Variants in MPDZ observed in about 807,000 individuals in gnomAD.
The protein encoded by MPDZ is multiple PDZ domain protein.
A neutral mutation model predicts 239.1 loss-of-function variants in MPDZ; 234 were observed. The observed-to-expected ratio is 0.98, with a 90% CI of 0.88 to 1.09. The LOEUF (loss-of-function observed/expected upper bound fraction) is 1.09. Ranked by LOEUF, MPDZ falls within the 50% of genes least tolerant of loss-of-function variation. The pLI, the probability that MPDZ is intolerant of heterozygous loss-of-function variation, is 0.00. For synonymous variants in MPDZ, 1,048 were observed against 881.3 expected, an observed-to-expected ratio of 1.19 and a Z score of -3.35; for missense variants, 3,175 against 2,510.0, an observed-to-expected ratio of 1.26 and a Z score of -5.66.
At chr9:13,229,859 G>C (rs1372539310) in intron 3 of MPDZ, among the ~76,000 whole-genome samples, 2 of 152,070 alleles carry the variant, frequency 1.3e-5, no homozygotes, top group Non-Finnish European at 2.9e-5. Context: ...AAATAAAGTT[G>C]AAGTGTTTTA....
Position 13,114,665 on chromosome 9 carries a change from G to A in MPDZ, c.5466+583C>T, listed in dbSNP as rs894130446. The stretch of plus-strand genomic sequence containing the variant: ...GCCTGTAATCCCAACACTTTGGGAG[G>A]CTGAGGCGGGTGGATCACGAGGTCA... On this transcript the variant is annotated intron_variant, in intron 40 of 46. Transcript: ENST00000319217. Among the ~76,000 whole-genome samples, 4 of 152,138 alleles carry A rather than the reference G, an allele frequency of 2.6e-5. No homozygotes were observed. The South Asian group carries it at 8.3e-4, about 32-fold the overall frequency.
intron 22 of MPDZ, 122 bp from the exon 23 acceptor site, chr9:13,162,917 C>T: frequency 3.2e-6 from 2 of 626,768 alleles, no homozygotes; most frequent in Non-Finnish European, 5.6e-6. Context: ...TTTCATACAA[C>T]TCATTTAATC....
chr9:13,251,361 T>A (rs1174445928), intron 1 of MPDZ, among the ~76,000 whole-genome samples: 1 of 152,124 alleles, frequency 6.6e-6, no homozygotes, highest in Non-Finnish European at 1.5e-5. Flanking sequence ...TCCACACATC[T>A]CATCTTTCTC....
In MPDZ at chr9:13,217,201, A is replaced by G. The variant is rs749290739; in HGVS notation, c.1180T>C (p.Tyr394His). The G allele has an allele frequency of 2.5e-6, 4 of 1,593,610 alleles. No homozygotes were observed. Residue 394 changes from tyrosine (Y) to histidine (H), a missense_variant, in exon 9 of 47, where the codon TAC becomes CAC. Tyr to His is a moderately conservative substitution (Grantham distance 83). Transcript: ENST00000319217. ...TTACCCAATTTTTTATCTCCAATGTAGCCAGCAATGGTAATTCCTAATCCT... is the reference window on the plus strand; with the variant it reads ...TTACCCAATTTTTTATCTCCAATGTGGCCAGCAATGGTAATTCCTAATCCT... ...VQGLGITIAG[Y>H]IGDKKLEPSG... is the part of the protein sequence containing the mutation.
chr9:13,136,976 A>G (rs1946912450), intron 29 of MPDZ, among the ~76,000 whole-genome samples, 173 bp from the exon 30 acceptor site: 1 of 152,154 alleles, frequency 6.6e-6, no homozygotes, highest in Non-Finnish European at 1.5e-5. Flanking sequence ...GTGAATAAAG[A>G]ATAGCTCATG....
Position 13,150,697 on chromosome 9 carries a change from T to A in MPDZ, c.3453-9A>T. On this transcript the variant is annotated splice_polypyrimidine_tract_variant and intron_variant, in intron 24 of 46. Coordinates refer to ENST00000319217, the MANE Select transcript of MPDZ (RefSeq NM_001378778.1). ...CTCTCCAGAGTTCCACCCTAAAAAA[T>A]AAATAAAATTTTCAACTCTTAGGAA... 6.0e-6 allele frequency: 8 copies of A among 1,325,678 alleles called. No individual in the cohort carries two copies. Among genetic ancestry groups the A allele is most frequent in the Non-Finnish European group, 7.8e-6 (8 of 1,029,330 alleles). The allele number at this position is 1,325,678 out of a possible 1,614,324, so 82.1% of individuals were successfully genotyped here. A position where few individuals can be genotyped will look rare whatever the true frequency, so the allele number is the denominator to read the frequency against.
intron 3 of MPDZ, among the ~76,000 whole-genome samples, chr9:13,236,354 C>G (rs1324135019): frequency 1.4e-5 from 2 of 144,466 alleles, no homozygotes; most frequent in Admixed American, 1.4e-4. Context: ...CTCAGCTCAC[C>G]GCAACCTCTG....
chr9:13,166,769 T>C (rs1341833676), intron 22 of MPDZ, among the ~76,000 whole-genome samples: 2 of 151,848 alleles, frequency 1.3e-5, no homozygotes, highest in Non-Finnish European at 2.9e-5. Flanking sequence ...GCTGAATCAG[T>C]GGGAGAGGGG....
intron 24 of MPDZ, among the ~76,000 whole-genome samples, chr9:13,151,479 C>T (rs969158599): frequency 6.6e-6 from 1 of 151,784 alleles, no homozygotes; most frequent in African/African-American, 2.4e-5. Flanking sequence ...TGAAACATAC[C>T]ATAATATGAA....
intron 3 of MPDZ, among the ~76,000 whole-genome samples, chr9:13,247,089 C>G (rs1480325802): frequency 7.9e-5 from 12 of 152,070 alleles, no homozygotes; most frequent in African/African-American, 7.2e-5. Flanking sequence ...TGTTTATCAC[C>G]ATCTGAGCTG....
intron 3 of MPDZ, among the ~76,000 whole-genome samples, chr9:13,237,395 C>G (rs561948364): frequency 7.0e-6 from 1 of 143,478 alleles, no homozygotes; most frequent in Non-Finnish European, 1.5e-5. Flanking sequence ...CATGAGCATG[C>G]CACTGCACTC....
intron 17 of MPDZ, among the ~76,000 whole-genome samples, chr9:13,188,561 G>C (rs1280279720): frequency 1.3e-5 from 2 of 152,014 alleles, no homozygotes; most frequent in Non-Finnish European, 2.9e-5. Flanking sequence ...CCAAAGACCA[G>C]TAAGTTAGAA....
intron 12 of MPDZ, among the ~76,000 whole-genome samples, chr9:13,196,597 T>C (rs1385778272): frequency 1.3e-5 from 2 of 152,126 alleles, no homozygotes; most frequent in East Asian, 1.9e-4. Context: ...TGTTTTATTT[T>C]CATTTAGTTC....
At chr9:13,271,331 A>G (rs756495974) in intron 1 of MPDZ, among the ~76,000 whole-genome samples, 33 of 152,302 alleles carry the variant, frequency 2.2e-4, no homozygotes, top group Admixed American at 7.2e-4. Context: ...GGATCAGAAC[A>G]TGCCACTCCA....
chr9:13,121,295 A>C (rs1944306235), intron 38 of MPDZ, among the ~76,000 whole-genome samples: 1 of 152,002 alleles, frequency 6.6e-6, no homozygotes, highest in Admixed American at 6.5e-5. Context: ...TCCCTAATTC[A>C]CTTTAATTAA....
Position 13,216,461 on chromosome 9 carries a change from C to T in MPDZ, c.1290+313G>A, listed in dbSNP as rs140152709. On this transcript the variant is annotated intron_variant, in intron 10 of 46. Coordinates refer to ENST00000319217, the MANE Select transcript of MPDZ (RefSeq NM_001378778.1). ...GGTACTGGACATCTGGTCTCTACCTCTGGAGTATCTGCAAGGAACGTATAA... is the reference window on the plus strand; with the variant it reads ...GGTACTGGACATCTGGTCTCTACCTTTGGAGTATCTGCAAGGAACGTATAA... 7.4e-3 allele frequency among the ~76,000 whole-genome samples: 1,119 copies of T among 150,430 alleles called. 18 individuals are homozygous for T. Among genetic ancestry groups the T allele is most frequent in the African/African-American group, 0.025 (1,026 of 41,038 alleles).
At chr9:13,159,830 G>A (rs1563929179) in intron 23 of MPDZ, among the ~76,000 whole-genome samples, 1 of 152,082 alleles carries the variant, frequency 6.6e-6, no homozygotes, top group Admixed American at 6.6e-5. Flanking sequence ...CTCTATAGGT[G>A]CTGATTATTG....
At chr9:13,274,851 C>A (rs1973813893) in intron 1 of MPDZ, among the ~76,000 whole-genome samples, 1 of 151,620 alleles carries the variant, frequency 6.6e-6, no homozygotes, top group South Asian at 2.1e-4. Context: ...TTCAGCTTTG[C>A]CAAATTTAGC....
chr9:13,148,791 C>A (rs1309563148), intron 25 of MPDZ, among the ~76,000 whole-genome samples: 1 of 151,958 alleles, frequency 6.6e-6, no homozygotes, highest in Non-Finnish European at 1.5e-5. Flanking sequence ...TTAGAATCCT[C>A]AGGATTACAG....
Sources: allele counts gnomAD v4.1 joint callset (sites outside exome capture counted in the v4.1 genomes callset), GRCh38; gene constraint gnomAD v4.1.1; transcripts MANE v1.5; gene names NCBI Gene and HGNC (gene_info 2026-07-23, HGNC 2026-07-21).